MEF2C: variants seen among roughly 807,000 people sequenced by gnomAD.
MEF2C encodes myocyte enhancer factor 2C.
Under a neutral mutation model 50.5 loss-of-function variants are expected in MEF2C, and 6 were observed. That is an observed-to-expected ratio of 0.12 (90% CI 0.07 to 0.23). MEF2C has a LOEUF of 0.23. MEF2C is among the 10% of genes least tolerant of loss of function. The pLI is 1.00. For missense variants in MEF2C, 276 were observed against 605.0 expected, an observed-to-expected ratio of 0.46 and a Z score of 5.70; for synonymous variants, 183 against 228.0, an observed-to-expected ratio of 0.80 and a Z score of 1.78.
At chr5:88,771,116 T>G (rs542121213) in intron 3 of MEF2C, among the ~76,000 whole-genome samples, 19 of 152,198 alleles carry the variant, frequency 1.2e-4, no homozygotes, top group Non-Finnish European at 2.5e-4. Flanking sequence ...TTCACTATCA[T>G]GAGACCAGCA....
intron 6 of MEF2C, among the ~76,000 whole-genome samples, chr5:88,748,595 C>T (rs1771100779): frequency 6.6e-6 from 1 of 152,070 alleles, no homozygotes; most frequent in South Asian, 2.1e-4. Flanking sequence ...CATTTTAATG[C>T]CAATGTGATT....
At position 88,728,609 on chromosome 5, in the gene MEF2C, T is replaced by C; in HGVS notation, c.984A>G (p.Ala328=). Residue 328 remains alanine (A), a synonymous_variant, in exon 10 of 11, where the codon GCA becomes GCG. Coordinates refer to ENST00000504921, the MANE Select transcript of MEF2C (RefSeq NM_002397.5). ...TYGTEYSLSS[A]DLSSLSGFNT... Reference sequence around the variant, plus strand: ...TAAACCCAGACAGAGATGACAGGTCTGCACTACTCAGAGAGTACTCTAGAT... The same window carrying C: ...TAAACCCAGACAGAGATGACAGGTCCGCACTACTCAGAGAGTACTCTAGAT... 2.0e-6 allele frequency: 3 copies of C among 1,506,670 alleles called. No individual in the cohort carries two copies. Among genetic ancestry groups the C allele is most frequent in the Non-Finnish European group, 2.7e-6 (3 of 1,124,354 alleles). 93.3% of individuals were successfully genotyped at this position (1,506,670 alleles called of 1,614,324 possible).
At chr5:88,885,936 T>C (rs1834005655), upstream of MEF2C, among the ~76,000 whole-genome samples, 1 of 152,184 alleles carries the variant, frequency 6.6e-6, no homozygotes, top group African/African-American at 2.4e-5. Flanking sequence ...TTTTACCTTT[T>C]CATATTTTAA....
At chr5:88,781,094 C>G (rs543949346) in intron 3 of MEF2C, among the ~76,000 whole-genome samples, 1 of 151,832 alleles carries the variant, frequency 6.6e-6, no homozygotes, top group Non-Finnish European at 1.5e-5. Flanking sequence ...CTTTTTCTAC[C>G]CTTTCCCTAG....
chr5:88,818,467 C>T (rs146391654), intron 2 of MEF2C, among the ~76,000 whole-genome samples: 182 of 151,856 alleles, frequency 1.2e-3, no homozygotes, highest in Non-Finnish European at 2.2e-3. Flanking sequence ...AAAATGCCGA[C>T]GGAGAGACTG....
At chr5:88,830,849 A>G (rs1812742103) in intron 1 of MEF2C, among the ~76,000 whole-genome samples, 1 of 152,054 alleles carries the variant, frequency 6.6e-6, no homozygotes, top group South Asian at 2.1e-4. Flanking sequence ...TTAACATCAG[A>G]TTGTGTTCTG....
intron 3 of MEF2C, chr5:88,771,645 T>C (rs1250897028): frequency 4.1e-6 from 4 of 978,446 alleles, no homozygotes; most frequent in East Asian, 1.1e-4. Flanking sequence ...TTCTCAGTTA[T>C]GGTTCACTGG....
chr5:88,804,538 G>A (rs564277430), intron 3 of MEF2C, 60 bp downstream of exon 3: 1 of 1,473,064 alleles, frequency 6.8e-7, no homozygotes, highest in East Asian at 2.3e-5. Flanking sequence ...TGTGTGGCAG[G>A]GGGAGGTCCA....
At chr5:88,835,886 T>C (rs1028954003) in intron 1 of MEF2C, among the ~76,000 whole-genome samples, 1 of 151,912 alleles carries the variant, frequency 6.6e-6, no homozygotes, top group Non-Finnish European at 1.5e-5. Flanking sequence ...GGCTCCCACT[T>C]TAATTTTTAA....
intron 1 of MEF2C, chr5:88,888,297 C>G (rs1003505275): frequency 6.6e-6 from 1 of 152,210 alleles, no homozygotes; most frequent in African/African-American, 2.4e-5. Flanking sequence ...CAGACTGAGG[C>G]TAGTCCCAGA....
At chr5:88,810,245 T>G (rs915966879) in intron 2 of MEF2C, among the ~76,000 whole-genome samples, 5 of 152,144 alleles carry the variant, frequency 3.3e-5, no homozygotes, top group African/African-American at 1.2e-4. Flanking sequence ...TACTACAATG[T>G]TTAGCTTATT....
chr5:88,751,803 C>G (rs1297295629), intron 5 of MEF2C, 54 bp downstream of exon 5: 9 of 1,566,432 alleles, frequency 5.7e-6, no homozygotes, highest in South Asian at 2.3e-5. Flanking sequence ...TTGGCTTTGC[C>G]GAAAATGGTT....
At chr5:88,861,923 A>C (rs1287030847) in intron 1 of MEF2C, among the ~76,000 whole-genome samples, 1 of 152,236 alleles carries the variant, frequency 6.6e-6, no homozygotes, top group Non-Finnish European at 1.5e-5. Flanking sequence ...ACTTCCAAAA[A>C]AGTCAATCCA....
intron 10 of MEF2C, among the ~76,000 whole-genome samples, chr5:88,724,077 C>T (rs896447482): frequency 9.2e-5 from 14 of 152,036 alleles, no homozygotes; most frequent in African/African-American, 3.4e-4. Context: ...GATTACTTGA[C>T]TATATTGTCA....
intron 1 of MEF2C, among the ~76,000 whole-genome samples, chr5:88,892,458 A>C (rs773953796): frequency 6.6e-6 from 1 of 152,222 alleles, no homozygotes; most frequent in South Asian, 2.1e-4. Context: ...TTCTTAATCT[A>C]ATGCAAAGAA....
intron 6 of MEF2C, chr5:88,734,696 A>G: frequency 1.0e-6 from 1 of 984,044 alleles, no homozygotes; most frequent in African/African-American, 1.8e-5. Flanking sequence ...TAGGGGAAAA[A>G]AAAGTAAATA....
intron 1 of MEF2C, among the ~76,000 whole-genome samples, chr5:88,870,695 C>T (rs1282536421): frequency 6.6e-6 from 1 of 151,940 alleles, no homozygotes; most frequent in East Asian, 1.9e-4. Context: ...CTGTTTTGTC[C>T]TCTCTCAGCA....
Position 88,738,838 on chromosome 5 carries a change from GA to G in MEF2C, c.638-6938del, listed in dbSNP as rs539170837. 2.0e-3 allele frequency: 1,924 copies of G among 985,186 alleles called. 4 individuals are homozygous for G. The highest frequency in any genetic ancestry group is 2.2e-3 in the South Asian group (47 of 21,278). The allele number at this position is 985,186 out of a possible 1,614,324, so 61.0% of individuals were successfully genotyped here. On this transcript the variant is annotated intron_variant, in intron 6 of 10. Coordinates refer to ENST00000504921, the MANE Select transcript of MEF2C (RefSeq NM_002397.5). ...CACTGAATTCTCATAAAGAGGCACA[GA>G]ATGGTGATGTTCAAACCATATTTCT...
intron 6 of MEF2C, chr5:88,736,036 C>T: frequency 1.0e-6 from 1 of 985,376 alleles, no homozygotes; most frequent in Non-Finnish European, 1.2e-6. Flanking sequence ...ATTGGCATAA[C>T]CATTTTTTAA....
Sources: gnomAD v4.1 joint callset for allele counts (sites outside exome capture counted in the v4.1 genomes callset) on GRCh38, gnomAD v4.1.1 for gene constraint, MANE v1.5 for transcripts, NCBI Gene and HGNC (gene_info 2026-07-23, HGNC 2026-07-21) for gene names.